The following C1GALT1 variants were observed in gnomAD, a reference collection of about 807,000 sequenced individuals.
C1GALT1 encodes the protein glycoprotein-N-acetylgalactosamine 3-beta-galactosyltransferase 1.
C1GALT1 carries 11 observed loss-of-function variants against 31.0 expected under a neutral mutation model. That is an observed-to-expected ratio of 0.36 (90% CI 0.22 to 0.59). The LOEUF is 0.59. C1GALT1 is among the 20% of genes least tolerant of loss of function. The pLI is 0.79. For synonymous variants in C1GALT1, 175 were observed against 143.6 expected (o/e 1.22, Z -1.56); for missense variants, 424 against 425.2 (o/e 1.00, Z 0.03).
chr7:7,175,713 T>G (rs1583731755), intron 2 of C1GALT1, among the ~76,000 whole-genome samples: 1 of 152,174 alleles, frequency 6.6e-6, no homozygotes, highest in Non-Finnish European at 1.5e-5. Flanking sequence ...TACCACAAAC[T>G]GAATAGCTTA....
At chr7:7,234,235 A>T in intron 1 of C1GALT1, 68 bp from the exon 2 acceptor site, 2 of 1,177,320 alleles carry the variant, frequency 1.7e-6, no homozygotes, top group Admixed American at 4.3e-5. Context: ...AAATGTTACC[A>T]GAATTTTTAC....
chr7:7,221,980 C>T (rs1223862370), intron 1 of C1GALT1, among the ~76,000 whole-genome samples: 1 of 152,186 alleles, frequency 6.6e-6, no homozygotes, highest in Non-Finnish European at 1.5e-5. Flanking sequence ...ACCAGAACTA[C>T]CCTGAGGGAC....
intron 2 of C1GALT1, among the ~76,000 whole-genome samples, chr7:7,162,416 T>A (rs973755115): frequency 9.2e-5 from 14 of 151,722 alleles, no homozygotes; most frequent in African/African-American, 3.4e-4. Flanking sequence ...ATTTCCAATT[T>A]CATCCATGTC....
rs746020800 is a variant in C1GALT1 at position 7,238,461 on chromosome 7, C to G, written c.427C>G (p.Leu143Val). 6.2e-7 allele frequency: 1 copy of G among 1,613,720 alleles called. No individual in the cohort carries two copies. Among genetic ancestry groups the G allele is most frequent in the African/African-American group, 1.3e-5 (1 of 74,868 alleles). ...GLKTKEGRDQ[L>V]YWKTIKAFQY... ...GAAAACCAAAGAAGGCAGAGATCAA[C>G]TATACTGGAAAACAATTAAAGCTTT... The change falls in exon 3 of 4, where the codon CTA becomes GTA. Residue 143 changes from leucine to valine, a missense_variant. Physicochemically the swap from Leu to Val is conservative, Grantham distance 32. Coordinates refer to ENST00000436587, the MANE Select transcript of C1GALT1 (RefSeq NM_020156.5). The surrounding 1 kb of genome is among the most constrained non-coding windows in gnomAD (Gnocchi z 5.2).
intron 1 of C1GALT1, among the ~76,000 whole-genome samples, chr7:7,217,192 G>A (rs1390363754): frequency 1.3e-5 from 2 of 152,192 alleles, no homozygotes; most frequent in African/African-American, 4.8e-5. Context: ...TGGTACTCAT[G>A]CTGGCTTAGA....
chr7:7,178,065 G>A (rs983055247), upstream of C1GALT1: 3 of 224,184 alleles, frequency 1.3e-5, no homozygotes, highest in South Asian at 1.4e-4. Context: ...TTACAGGAGA[G>A]CCATCCATTT....
intron 1 of C1GALT1, among the ~76,000 whole-genome samples, chr7:7,222,016 C>T (rs1782532235): frequency 6.6e-6 from 1 of 152,140 alleles, no homozygotes; most frequent in Non-Finnish European, 1.5e-5. Flanking sequence ...CTCTATGGGA[C>T]CTTCCTTGGT....
chr7:7,206,320 A>G (rs1781737870), intron 1 of C1GALT1, among the ~76,000 whole-genome samples: 1 of 152,118 alleles, frequency 6.6e-6, no homozygotes, highest in Non-Finnish European at 1.5e-5. Flanking sequence ...GCTACAAGTT[A>G]TTATCTAGTA....
chr7:7,166,404 A>C (rs1009933527), intron 2 of C1GALT1, among the ~76,000 whole-genome samples: 1 of 152,202 alleles, frequency 6.6e-6, no homozygotes, highest in African/African-American at 2.4e-5. Flanking sequence ...CCAGATATGA[A>C]AAAGCACATA....
chr7:7,168,593 C>A (rs1488987056), intron 2 of C1GALT1, among the ~76,000 whole-genome samples: 4 of 152,108 alleles, frequency 2.6e-5, no homozygotes, highest in Non-Finnish European at 5.9e-5. Context: ...TTAACAGTTA[C>A]CATTTTCGTG....
chr7:7,232,687 A>G (rs1783144364), intron 1 of C1GALT1, among the ~76,000 whole-genome samples: 1 of 151,970 alleles, frequency 6.6e-6, no homozygotes, highest in Non-Finnish European at 1.5e-5. Context: ...ATGGGGTTTC[A>G]CCATGTTGGC....
intron 2 of C1GALT1, among the ~76,000 whole-genome samples, chr7:7,165,639 A>G (rs79582253): frequency 0.021 from 3,176 of 152,182 alleles, 94 homozygotes; most frequent in African/African-American, 0.072. Context: ...ATCTTTTCTC[A>G]TTTCCTTCTC....
At chr7:7,206,043 C>T (rs540758033) in intron 1 of C1GALT1, among the ~76,000 whole-genome samples, 3 of 152,190 alleles carry the variant, frequency 2.0e-5, no homozygotes, top group East Asian at 1.9e-4. Context: ...GTGATGATTA[C>T]ACTTAATATT....
chr7:7,193,662 CCT>C (rs1389963820), intron 1 of C1GALT1, among the ~76,000 whole-genome samples: 1 of 151,562 alleles, frequency 6.6e-6, no homozygotes, highest in Non-Finnish European at 1.5e-5. Flanking sequence ...TATGTGTGTT[CCT>C]TTTCAGTTTC....
intron 1 of C1GALT1, among the ~76,000 whole-genome samples, chr7:7,189,105 A>G (rs1429280545): frequency 1.3e-5 from 2 of 152,206 alleles, no homozygotes; most frequent in Non-Finnish European, 2.9e-5. Flanking sequence ...ACCTTTGTCA[A>G]AAGCACAAAG....
At chr7:7,173,386 C>A (rs1041996243) in intron 2 of C1GALT1, among the ~76,000 whole-genome samples, 1 of 152,064 alleles carries the variant, frequency 6.6e-6, no homozygotes, top group Non-Finnish European at 1.5e-5. Flanking sequence ...GTAAAGACTG[C>A]AGAACCATGA....
chr7:7,157,470 C>A (rs755713193), intron 2 of C1GALT1: 3 of 152,170 alleles, frequency 2.0e-5, no homozygotes, highest in Non-Finnish European at 2.9e-5. Flanking sequence ...GTTCAGTATG[C>A]TTTTAGGAAT....
chr7:7,166,067 C>T (rs1193788676), intron 2 of C1GALT1, among the ~76,000 whole-genome samples: 1 of 152,098 alleles, frequency 6.6e-6, no homozygotes, highest in African/African-American at 2.4e-5. Context: ...GACACCTGTA[C>T]CAGGCGTGTT....
intron 2 of C1GALT1, among the ~76,000 whole-genome samples, chr7:7,165,742 A>G (rs528368789): frequency 3.3e-5 from 5 of 152,272 alleles, no homozygotes; most frequent in African/African-American, 1.2e-4. Flanking sequence ...TAATCCAAAA[A>G]CCCAAAATCT....
Sources: gnomAD v4.1 joint callset for allele counts (sites outside exome capture counted in the v4.1 genomes callset) on GRCh38, gnomAD v4.1.1 for gene constraint, Gnocchi (gnomAD v3.1) non-coding constraint, MANE v1.5 for transcripts, NCBI Gene and HGNC (gene_info 2026-07-23, HGNC 2026-07-21) for gene names.